Variants in RBP2 observed in about 807,000 individuals in gnomAD.
RBP2 encodes retinol-binding protein 2.
RBP2 carries 17 observed loss-of-function variants against 17.0 expected under a neutral mutation model. The ratio of observed to expected loss-of-function variants is 1.00; its 90% CI spans 0.68 to 1.50. The LOEUF is 1.50. Ranked by LOEUF, RBP2 falls within the 40% of genes most tolerant of loss-of-function variation. The pLI is 0.00. For synonymous variants in RBP2, 48 were observed against 57.1 expected (o/e 0.84, Z 0.72); for missense variants, 158 against 168.2 (o/e 0.94, Z 0.33).
At chr3:139,462,376 A>C (rs759241138) in intron 1 of RBP2, 86 bp from the exon 2 acceptor site, 64 of 1,386,702 alleles carry the variant, frequency 4.6e-5, no homozygotes, top group Admixed American at 7.0e-5. Context: ...TCAAGACTAG[A>C]GACACAGATT....
rs539576269 is a variant in RBP2, at chr3:139,461,727, G to A, written c.252+385C>T. ...AAAAAATCTGGCATCTTCAGGCTTCGCTCCTCCATGGCAGTGCTTGGCTGG... is the reference window on the plus strand; with the variant it reads ...AAAAAATCTGGCATCTTCAGGCTTCACTCCTCCATGGCAGTGCTTGGCTGG... On this transcript the variant is annotated intron_variant, in intron 2 of 3. Coordinates refer to ENST00000232217, the MANE Select transcript of RBP2 (RefSeq NM_004164.3). 2.6e-4 allele frequency among the ~76,000 whole-genome samples: 40 copies of A among 152,188 alleles called. 1 individual carries two copies. The South Asian group carries it at 7.9e-3, about 30-fold the overall frequency.
intron 1 of RBP2, among the ~76,000 whole-genome samples, chr3:139,463,212 A>C (rs1933251442): frequency 6.7e-6 from 1 of 150,260 alleles, no homozygotes. Flanking sequence ...CTTGAGATGG[A>C]GTCTCGCTCT....
intron 1 of RBP2, among the ~76,000 whole-genome samples, chr3:139,471,741 A>T (rs1933576685): frequency 1.3e-5 from 2 of 152,162 alleles, no homozygotes; most frequent in South Asian, 4.1e-4. Flanking sequence ...TCTAGTCACC[A>T]AATCCAGTCT....
intron 1 of RBP2, among the ~76,000 whole-genome samples, chr3:139,462,966 TG>T (rs1459029687): frequency 6.6e-6 from 1 of 152,076 alleles, no homozygotes; most frequent in Non-Finnish European, 1.5e-5. Flanking sequence ...CCCAAGTAGC[TG>T]GGACAGCAGG....
chr3:139,459,738 C>T (rs1933120171), intron 2 of RBP2, among the ~76,000 whole-genome samples: 1 of 151,892 alleles, frequency 6.6e-6, no homozygotes, highest in South Asian at 2.1e-4. Context: ...CCTTGGGCAT[C>T]TGCTCTGCAT....
At chr3:139,461,975 C>T (rs1933205219) in intron 2 of RBP2, 137 bp downstream of exon 2, 1 of 850,036 alleles carries the variant, frequency 1.2e-6, no homozygotes, top group Non-Finnish European at 1.8e-6. Context: ...TCATTGCCAG[C>T]ATGATTAAGG....
chr3:139,460,110 A>C lies in RBP2; in HGVS notation c.252+2002T>G, dbSNP rs1374453501. On this transcript the variant is annotated intron_variant, in intron 2 of 3. Transcript: ENST00000232217. ...TCAGAGAGGACAGGCCTGCTTTTCA[A>C]GAGCCCACAACCAAAACAGAAAGGT... 4.6e-5 allele frequency among the ~76,000 whole-genome samples: 7 copies of C among 152,230 alleles called. 1 individual carries two copies. The South Asian group carries it at 1.4e-3, about 31-fold the overall frequency.
intron 2 of RBP2, among the ~76,000 whole-genome samples, chr3:139,458,135 A>G (rs1461360898): frequency 6.6e-6 from 1 of 152,196 alleles, no homozygotes; most frequent in Non-Finnish European, 1.5e-5. Context: ...AAGAGTGTAC[A>G]GGTGTTTTTT....
chr3:139,473,223 G>C (rs1323651108), intron 1 of RBP2, among the ~76,000 whole-genome samples: 2 of 151,202 alleles, frequency 1.3e-5, no homozygotes, highest in African/African-American at 4.8e-5. Flanking sequence ...ACTGACCCTT[G>C]GCTCACTCAC....
chr3:139,454,281 A>G (rs1943358006), intron 3 of RBP2, among the ~76,000 whole-genome samples: 1 of 152,144 alleles, frequency 6.6e-6, no homozygotes, highest in South Asian at 2.1e-4. Flanking sequence ...AGAAGGACAT[A>G]CCTCATGGAG....
chr3:139,458,425 C>A (rs1933054738), intron 2 of RBP2, among the ~76,000 whole-genome samples: 1 of 152,166 alleles, frequency 6.6e-6, no homozygotes, highest in African/African-American at 2.4e-5. Flanking sequence ...CTTTTCCCTG[C>A]CCTTACTGTC....
chr3:139,454,718 C>G lies in RBP2; in HGVS notation c.354+11G>C. On this transcript the variant is annotated intron_variant, in intron 3 of 3. Transcript: ENST00000232217. ...ACAATGGAAGTGAGCTGAGCAGAAC[C>G]CAGTACTTACCAGGTACAGCTTGTC... 6.2e-7 allele frequency: 1 copy of G among 1,612,962 alleles called. No individual in the cohort carries two copies. Among genetic ancestry groups the G allele is most frequent in the Non-Finnish European group, 8.5e-7 (1 of 1,178,948 alleles).
intron 1 of RBP2, among the ~76,000 whole-genome samples, chr3:139,468,299 T>TAAC (rs1933431047): frequency 6.6e-6 from 1 of 152,210 alleles, no homozygotes; most frequent in South Asian, 2.1e-4. Context: ...CATTTGCAAC[T>TAAC]AACACCTCCG....
rs1171469286 is a variant in RBP2, at chr3:139,476,275, G to A, written c.73+112C>T. ...CCTAATATTGCACAGCTGTACATGA[G>A]GCATGAGGATTTGCCACAGGTCTGT... On this transcript the variant is annotated intron_variant, in intron 1 of 3. Coordinates refer to ENST00000232217, the MANE Select transcript of RBP2 (RefSeq NM_004164.3). The A allele has an allele frequency of 3.3e-5, 26 of 784,852 alleles. No individual in the cohort carries two copies. The East Asian group carries it at 6.1e-4, about 18-fold the overall frequency. 48.6% of individuals were successfully genotyped at this position (784,852 alleles called of 1,614,324 possible).
chr3:139,475,324 TAAAAAAAA>T (rs397941333), intron 1 of RBP2, among the ~76,000 whole-genome samples: 1 of 71,602 alleles, frequency 1.4e-5, no homozygotes, highest in Non-Finnish European at 2.7e-5. Flanking sequence ...GTCCCCAAAA[TAAAAAAAA>T]AAAAAAAAAA....
At chr3:139,461,953 G>A (rs1339700340) in intron 2 of RBP2, among the ~76,000 whole-genome samples, 159 bp downstream of exon 2, 1 of 152,176 alleles carries the variant, frequency 6.6e-6, no homozygotes, top group Non-Finnish European at 1.5e-5. Flanking sequence ...CTACTAAACT[G>A]TCAATAATTG....
chr3:139,470,267 C>G (rs1454316212), intron 1 of RBP2, among the ~76,000 whole-genome samples: 1 of 152,194 alleles, frequency 6.6e-6, no homozygotes, highest in East Asian at 1.9e-4. Flanking sequence ...AGGCCTAAGC[C>G]TGGGACCCAA....
At chr3:139,464,044 G>A (rs575709109) in intron 1 of RBP2, among the ~76,000 whole-genome samples, 1 of 152,340 alleles carries the variant, frequency 6.6e-6, no homozygotes, top group African/African-American at 2.4e-5. Context: ...AGACAGAGCA[G>A]CAGGTAGCTC....
chr3:139,462,118 A>AT lies in RBP2; in HGVS notation c.245dup (p.His82GlnfsTer3). 1 of 1,614,096 alleles carries AT rather than the reference A, an allele frequency of 6.2e-7. No individual in the cohort carries two copies. Among genetic ancestry groups the AT allele is most frequent in the Non-Finnish European group, 8.5e-7 (1 of 1,180,006 alleles). ...CACCAGCCCCGGTCAGTACCTTAACATGCCGGTTATCCAGGCTCTTTGTGT... is the reference window on the plus strand; with the variant it reads ...CACCAGCCCCGGTCAGTACCTTAACATTGCCGGTTATCCAGGCTCTTTGTGT... On this transcript the variant is annotated frameshift_variant, in exon 2 of 4. Transcript: ENST00000232217. LOFTEE classifies it high-confidence loss of function.
Sources: allele counts gnomAD v4.1 joint callset (sites outside exome capture counted in the v4.1 genomes callset), GRCh38; gene constraint gnomAD v4.1.1; transcripts MANE v1.5; gene names NCBI Gene and HGNC (gene_info 2026-07-23, HGNC 2026-07-21).